The following NPC1 variants were observed in gnomAD, a reference collection of about 807,000 sequenced individuals.
NPC1 encodes the protein NPC intracellular cholesterol transporter 1.
In NPC1, 85 loss-of-function variants were observed where a neutral mutation model predicts 140.4. The ratio of observed to expected loss-of-function variants is 0.61; its 90% CI spans 0.51 to 0.72. The LOEUF (loss-of-function observed/expected upper bound fraction) is 0.72. Ranked by LOEUF, NPC1 falls within the 30% of genes least tolerant of loss-of-function variation. The probability of loss-of-function intolerance (pLI) is 0.00; values close to 1 mark genes in which losing one functional copy is unlikely to be tolerated. For synonymous variants in NPC1, 656 were observed against 624.8 expected (o/e 1.05, Z -0.74); for missense variants, 1,504 against 1,623.8 (o/e 0.93, Z 1.27).
chr18:23,537,313 G>A (rs1357536085), intron 20 of NPC1, among the ~76,000 whole-genome samples: 1 of 152,192 alleles, frequency 6.6e-6, no homozygotes, highest in Non-Finnish European at 1.5e-5. Context: ...GTGATCTCAG[G>A]TGATCCGCCC....
intron 1 of NPC1, among the ~76,000 whole-genome samples, chr18:23,574,968 C>T (rs536371712): frequency 2.0e-5 from 3 of 152,350 alleles, no homozygotes; most frequent in East Asian, 1.9e-4. Flanking sequence ...CATTATCCAT[C>T]TAACTAAAGT....
intron 11 of NPC1, among the ~76,000 whole-genome samples, chr18:23,545,441 C>T (rs890478876): frequency 2.6e-5 from 4 of 152,176 alleles, no homozygotes. Context: ...CAGGGTTTCA[C>T]CATGTTGGCC....
downstream of NPC1, among the ~76,000 whole-genome samples, chr18:23,525,283 C>T (rs371903500): frequency 5.3e-5 from 8 of 151,848 alleles, no homozygotes; most frequent in African/African-American, 1.2e-4. Flanking sequence ...GGTCTTGCTC[C>T]GTCACCCAGC....
At chr18:23,533,188 C>T (rs1448639568) in intron 24 of NPC1, 167 bp downstream of exon 24, 6 of 788,084 alleles carry the variant, frequency 7.6e-6, no homozygotes, top group Non-Finnish European at 1.2e-5. Flanking sequence ...CATGAATCCC[C>T]TGGATGGGTT....
downstream of NPC1, chr18:23,529,383 G>T: frequency 6.6e-7 from 1 of 1,512,782 alleles, no homozygotes; most frequent in Non-Finnish European, 8.8e-7. Flanking sequence ...CATGTGATTA[G>T]AGTCACTTGA....
intron 3 of NPC1, among the ~76,000 whole-genome samples, chr18:23,514,705 A>G (rs1313634542): frequency 6.6e-6 from 1 of 152,252 alleles, no homozygotes; most frequent in African/African-American, 2.4e-5. Flanking sequence ...GTAATCATTT[A>G]AAAGTCTGTC....
chr18:23,535,540 C>G lies in NPC1; in HGVS notation c.3406G>C (p.Val1136Leu). The change falls in exon 22 of 25, where the codon GTC becomes CTC. Residue 1136 changes from valine (V) to leucine (L), a missense_variant. Coordinates refer to ENST00000269228, the MANE Select transcript of NPC1 (RefSeq NM_000271.5). ...IMCATIAMVL[V>L]NMFGVMWLWG... ...AGCCACATAACTCCAAACATGTTGA[C>G]CAAGACCATGGCGATGGTGGCACAC... 6.2e-7 allele frequency: 1 copy of G among 1,614,064 alleles called. No individual in the cohort carries two copies. The highest frequency in any genetic ancestry group is 1.1e-5 in the South Asian group (1 of 91,056).
chr18:23,570,525 T>C (rs919831432), intron 3 of NPC1, among the ~76,000 whole-genome samples: 1 of 152,250 alleles, frequency 6.6e-6, no homozygotes, highest in Non-Finnish European at 1.5e-5. Flanking sequence ...TTCTCTATTG[T>C]TAACTTTTGG....
intron 10 of NPC1, 47 bp downstream of exon 10, chr18:23,551,580 C>A (rs374903116): frequency 7.1e-7 from 1 of 1,402,028 alleles, no homozygotes; most frequent in Non-Finnish European, 1.0e-6. Context: ...ATGACAAAAC[C>A]GAGATGACTT....
chr18:23,561,491 G>A lies in NPC1; in HGVS notation c.500C>T (p.Ser167Leu), dbSNP rs752409181. The A allele has an allele frequency of 6.2e-7, 1 of 1,614,040 alleles. No individual in the cohort carries two copies. The change falls in exon 5 of 25, where the codon TCA (serine) becomes TTA (leucine). Residue 167 changes from serine to leucine, a missense_variant. Transcript: ENST00000269228. ...YNACRDVEAP[S>L]SNDKALGLLC... ...GAGTCCCAGGGCCTTGTCATTACTT[G>A]AGGGGGCCTCCACATCCCGGCAGGC...
At position 23,516,007 on chromosome 18, in the gene NPC1, G is replaced by C. The variant is rs765865890; in HGVS notation, c.432-9365C>G. ...CCTTTTCACTTTAGGGTAAGAGGAA[G>C]CCTCCCCTGAAAAAAACACCTTTCC... On this transcript the variant is annotated intron_variant, in intron 3 of 3. Coordinates refer to the NPC1 transcript ENST00000591107. 1.9e-6 allele frequency: 3 copies of C among 1,613,826 alleles called. No individual in the cohort carries two copies. The Admixed American group carries it at 5.0e-5, about 27-fold the overall frequency.
Position 23,551,729 on chromosome 18 carries a change from T to TG in NPC1, c.1554-3dup. The TG allele has an allele frequency of 6.2e-7, 1 of 1,612,572 alleles. No individual in the cohort carries two copies. Among genetic ancestry groups the TG allele is most frequent in the South Asian group, 1.1e-5 (1 of 91,036 alleles). ...GTATCATTCAGAGAGGCAGGAGCCC[T>TG]GCCAAAAAGTTTAGAAAACACCTCC... On this transcript the variant is annotated splice_polypyrimidine_tract_variant and splice_region_variant and intron_variant, in intron 9 of 24. Coordinates refer to ENST00000269228, the MANE Select transcript of NPC1 (RefSeq NM_000271.5).
chr18:23,544,999 G>A lies in NPC1; in HGVS notation c.1908C>T (p.Ser636=), dbSNP rs2058768340. 1 of 1,597,922 alleles carries A rather than the reference G, an allele frequency of 6.3e-7. No individual in the cohort carries two copies. Among genetic ancestry groups the A allele is most frequent in the South Asian group, 1.1e-5 (1 of 90,746 alleles). The stretch of plus-strand genomic sequence containing the variant: ...AGCTTTTCATGTGCCCCAAGGCTAG[G>A]GAAATATATAGAAACATGATGGCAT... The part of the protein sequence containing the change: ...ISYAIMFLYI[S]LALGHMKSCR... The change falls in exon 12 of 25, where the codon TCC becomes TCT. Residue 636 remains serine (S), a synonymous_variant. Coordinates refer to ENST00000269228, the MANE Select transcript of NPC1 (RefSeq NM_000271.5).
rs373815982 is a variant in NPC1, at chr18:23,560,349, G to A, written c.763C>T (p.Pro255Ser). Residue 255 changes from proline to serine, a missense_variant, in exon 6 of 25, where the codon CCT becomes TCT. Coordinates refer to ENST00000269228, the MANE Select transcript of NPC1 (RefSeq NM_000271.5). Reference protein sequence around the residue: ...IVCGPKPQPPPPPAPWTILGL... With the variant: ...IVCGPKPQPPSPPAPWTILGL... ...AGGATCGTCCAGGGAGCAGGAGGAG[G>A]TGGGGGCTGGGGCTTGGGGCCACAG... 7.4e-6 allele frequency: 12 copies of A among 1,614,140 alleles called. No individual in the cohort carries two copies. The highest frequency in any genetic ancestry group is 3.3e-5 in the South Asian group (3 of 91,094).
downstream of NPC1, among the ~76,000 whole-genome samples, chr18:23,527,267 T>C (rs1287358871): frequency 1.4e-5 from 2 of 146,206 alleles, no homozygotes; most frequent in Non-Finnish European, 3.0e-5. Flanking sequence ...AGTTTGGTGG[T>C]ATACACCTGT....
intron 3 of NPC1, among the ~76,000 whole-genome samples, chr18:23,570,631 GC>G (rs2059187964): frequency 6.6e-6 from 1 of 152,180 alleles, no homozygotes. Context: ...TTTAATATTT[GC>G]TTCCCAAACA....
intron 3 of NPC1, among the ~76,000 whole-genome samples, chr18:23,570,009 C>T (rs559027431): frequency 4.5e-4 from 69 of 152,150 alleles, no homozygotes; most frequent in Admixed American, 7.2e-4. Context: ...CCATGTAAGA[C>T]AAAGAATGAA....
At chr18:23,562,872 T>C (rs1057391471) in intron 4 of NPC1, among the ~76,000 whole-genome samples, 2 of 152,156 alleles carry the variant, frequency 1.3e-5, no homozygotes, top group African/African-American at 4.8e-5. Flanking sequence ...TGGCGCTATA[T>C]AATTTACAAT....
chr18:23,544,950 C>CCCCCCCCCCCCCA lies in NPC1; in HGVS notation c.1947+9_1947+10insTGGGGGGGGGGGG. The CCCCCCCCCCCCCA allele has an allele frequency of 7.1e-7, 1 of 1,415,990 alleles. No individual in the cohort carries two copies. The highest frequency in any genetic ancestry group is 9.9e-7 in the Non-Finnish European group (1 of 1,011,706). 87.7% of individuals were successfully genotyped at this position (1,415,990 alleles called of 1,614,324 possible). ...ACCTCTAGAACATACACCACCCCCCCCCGGCTTACCAGAAGCCTGCGACAG... is the reference window on the plus strand; with the variant it reads ...ACCTCTAGAACATACACCACCCCCCCCCCCCCCCCCCCACCGGCTTACCAGAAGCCTGCGACAG... On this transcript the variant is annotated intron_variant, in intron 12 of 24. Transcript: ENST00000269228.
Sources: gnomAD v4.1 joint callset for allele counts (sites outside exome capture counted in the v4.1 genomes callset) on GRCh38, gnomAD v4.1.1 for gene constraint, MANE v1.5 for transcripts, NCBI Gene and HGNC (gene_info 2026-07-23, HGNC 2026-07-21) for gene names.